SUGCT: variants seen among roughly 807,000 people sequenced by gnomAD.
SUGCT encodes the protein succinyl-CoA:glutarate-CoA transferase.
Under a neutral mutation model 55.0 loss-of-function variants are expected in SUGCT, and 41 were observed. The ratio of observed to expected loss-of-function variants is 0.74; its 90% CI spans 0.58 to 0.97. SUGCT has a LOEUF of 0.97. Ranked by LOEUF, SUGCT falls within the 50% of genes least tolerant of loss-of-function variation. The probability of loss-of-function intolerance (pLI) is 0.00; values close to 1 mark genes in which losing one functional copy is unlikely to be tolerated. For synonymous variants in SUGCT, 187 were observed against 200.4 expected, an observed-to-expected ratio of 0.93 and a Z score of 0.56; for missense variants, 568 against 547.8, an observed-to-expected ratio of 1.04 and a Z score of -0.37.
the SUGCT span, among the ~76,000 whole-genome samples, chr7:41,011,744 T>G: frequency 6.6e-6 from 1 of 152,160 alleles, no homozygotes; most frequent in Non-Finnish European, 1.5e-5. Flanking sequence ...TGGAACTGGA[T>G]AGGTTATACA....
At chr7:40,676,539 G>A (rs1276995200) in intron 12 of SUGCT, among the ~76,000 whole-genome samples, 1 of 139,944 alleles carries the variant, frequency 7.1e-6, no homozygotes, top group Non-Finnish European at 1.5e-5. Flanking sequence ...GCCTCACTCT[G>A]TTGCCCGGGC....
At chr7:40,863,833 G>A (rs1307347210), downstream of SUGCT, among the ~76,000 whole-genome samples, 4 of 152,026 alleles carry the variant, frequency 2.6e-5, no homozygotes. Flanking sequence ...TGATCTTTAG[G>A]AGGTAGGATG....
intron 12 of SUGCT, among the ~76,000 whole-genome samples, chr7:40,719,620 G>A (rs1275470510): frequency 6.6e-6 from 1 of 152,178 alleles, no homozygotes; most frequent in Non-Finnish European, 1.5e-5. Flanking sequence ...AAAATGGAAA[G>A]CAGAATGAGG....
At chr7:40,821,321 A>G (rs142664696) in intron 13 of SUGCT, among the ~76,000 whole-genome samples, 25,371 of 152,086 alleles carry the variant, frequency 0.17, 2,574 homozygotes, top group East Asian at 0.41. Flanking sequence ...ATTGATTGGA[A>G]TAGTTTCAGA....
At chr7:40,666,401 AAGT>A (rs1403556793) in intron 12 of SUGCT, among the ~76,000 whole-genome samples, 1 of 147,020 alleles carries the variant, frequency 6.8e-6, no homozygotes, top group East Asian at 2.0e-4. Context: ...GAAAGAAAGA[AAGT>A]AGGGTTATAG....
intron 9 of SUGCT, among the ~76,000 whole-genome samples, chr7:40,410,937 A>T (rs1475729897): frequency 6.6e-6 from 1 of 152,194 alleles, no homozygotes; most frequent in Non-Finnish European, 1.5e-5. Flanking sequence ...AATGAATTAC[A>T]CCTTATATAA....
At chr7:40,456,627 T>TG (rs1259742344) in intron 10 of SUGCT, among the ~76,000 whole-genome samples, 11 of 151,004 alleles carry the variant, frequency 7.3e-5, no homozygotes. Context: ...CAGTGTTGAG[T>TG]GGGGTGGGGT....
chr7:40,235,312 T>G (rs1417990412), intron 6 of SUGCT, among the ~76,000 whole-genome samples: 1 of 152,114 alleles, frequency 6.6e-6, no homozygotes, highest in Admixed American at 6.6e-5. Context: ...TTATAGATTG[T>G]TTTTGAAAAA....
chr7:40,492,025 A>T (rs887918408), intron 11 of SUGCT, among the ~76,000 whole-genome samples: 1 of 152,072 alleles, frequency 6.6e-6, no homozygotes, highest in Non-Finnish European at 1.5e-5. Context: ...ATAATAATCT[A>T]GGAAACCAAG....
chr7:40,420,983 C>A (rs2079756859), intron 9 of SUGCT, among the ~76,000 whole-genome samples: 1 of 152,140 alleles, frequency 6.6e-6, no homozygotes. Flanking sequence ...ACTTTTCCAA[C>A]TGTGTTTCCA....
intron 1 of SUGCT, among the ~76,000 whole-genome samples, chr7:40,142,207 A>G (rs192471445): frequency 6.4e-4 from 97 of 152,300 alleles, no homozygotes; most frequent in Non-Finnish European, 1.2e-3. Context: ...GGAGCAGGTA[A>G]TTGGAATGAG....
chr7:40,407,946 C>T (rs1462221080), intron 9 of SUGCT, among the ~76,000 whole-genome samples: 1 of 152,042 alleles, frequency 6.6e-6, no homozygotes, highest in East Asian at 1.9e-4. Flanking sequence ...TACCTATTTT[C>T]TTTGAAAGGA....
the SUGCT span, among the ~76,000 whole-genome samples, chr7:41,007,089 T>C: frequency 2.0e-5 from 2 of 101,420 alleles, no homozygotes; most frequent in Non-Finnish European, 4.3e-5. Context: ...ATCTTAAGCT[T>C]AGAGATTCAG....
chr7:40,629,430 T>C (rs1799682258), intron 12 of SUGCT, among the ~76,000 whole-genome samples: 1 of 152,162 alleles, frequency 6.6e-6, no homozygotes, highest in African/African-American at 2.4e-5. Context: ...GAAAGTAGAC[T>C]CTGAGTTTGC....
At chr7:40,274,895 G>C (rs1388013463) in intron 8 of SUGCT, among the ~76,000 whole-genome samples, 2 of 152,140 alleles carry the variant, frequency 1.3e-5, no homozygotes, top group Non-Finnish European at 2.9e-5. Flanking sequence ...TCCACCTCCT[G>C]GGTTCAAGCA....
At chr7:41,000,199 TACAC>T in the SUGCT span, among the ~76,000 whole-genome samples, 6 of 152,138 alleles carry the variant, frequency 3.9e-5, no homozygotes, top group South Asian at 2.1e-4. Flanking sequence ...TCATTATACT[TACAC>T]ACATACACAC....
At chr7:40,618,444 CA>C (rs1481067857) in intron 12 of SUGCT, among the ~76,000 whole-genome samples, 14 of 152,286 alleles carry the variant, frequency 9.2e-5, no homozygotes, top group African/African-American at 3.4e-4. Flanking sequence ...AAGTGGTACC[CA>C]TACTACTGTC....
chr7:40,283,334 T>C (rs1353973812), intron 8 of SUGCT, among the ~76,000 whole-genome samples: 5 of 151,928 alleles, frequency 3.3e-5, no homozygotes, highest in Non-Finnish European at 5.9e-5. Context: ...GTTCAAGACA[T>C]TCTTCTGCCT....
intron 12 of SUGCT, among the ~76,000 whole-genome samples, chr7:40,513,924 G>A (rs1166729747): frequency 6.6e-6 from 1 of 151,344 alleles, no homozygotes; most frequent in Non-Finnish European, 1.5e-5. Context: ...TGAGTAGCTG[G>A]GACTACAGTC....
Sources: gnomAD v4.1 joint callset for allele counts (sites outside exome capture counted in the v4.1 genomes callset) on GRCh38, gnomAD v4.1.1 for gene constraint, MANE v1.5 for transcripts, NCBI Gene and HGNC (gene_info 2026-07-23, HGNC 2026-07-21) for gene names.